Variants in ZNF354A observed in about 807,000 individuals in gnomAD.
The protein encoded by ZNF354A is epididymis luminal protein 104.
A neutral mutation model predicts 53.3 loss-of-function variants in ZNF354A; 25 were observed. That is an observed-to-expected ratio of 0.47 (90% CI 0.34 to 0.66). The LOEUF (loss-of-function observed/expected upper bound fraction) is 0.66, where lower values mean the gene tolerates loss of function less well. Ranked by LOEUF, ZNF354A falls within the 30% of genes least tolerant of loss-of-function variation. ZNF354A has a pLI of 0.01. For synonymous variants in ZNF354A, 228 were observed against 249.0 expected (o/e 0.92, Z 0.79); for missense variants, 586 against 716.8 (o/e 0.82, Z 2.08).
intron 4 of ZNF354A, among the ~76,000 whole-genome samples, chr5:178,714,405 A>G (rs1765679642): frequency 1.3e-5 from 2 of 152,044 alleles, no homozygotes; most frequent in African/African-American, 4.8e-5. Flanking sequence ...CAATCCTTTG[A>G]CTCTGAGCAG....
chr5:178,723,112 G>C (rs897186034), intron 4 of ZNF354A, among the ~76,000 whole-genome samples: 1 of 152,200 alleles, frequency 6.6e-6, no homozygotes, highest in Non-Finnish European at 1.5e-5. Flanking sequence ...GCCAGACCAC[G>C]TAGTGTATTT....
At position 178,713,077 on chromosome 5, in the gene ZNF354A, C is replaced by A. The variant is rs1561615434; in HGVS notation, c.801G>T (p.Glu267Asp). 19 of 1,613,770 alleles carry A rather than the reference C, an allele frequency of 1.2e-5. No individual in the cohort carries two copies. The highest frequency in any genetic ancestry group is 1.5e-5 in the Non-Finnish European group (18 of 1,179,880). Reference sequence around the variant, plus strand: ...CACATTCTTTACATATGTAGGGTTTCTCTCCAGTATGCGTTATTTGATGTT... The same window carrying A: ...CACATTCTTTACATATGTAGGGTTTATCTCCAGTATGCGTTATTTGATGTT... Reference protein sequence around the residue: ...LIQHQITHTGEKPYICKECGK... With the variant: ...LIQHQITHTGDKPYICKECGK... The change falls in exon 5 of 5, where the codon GAG becomes GAT. Residue 267 changes from glutamate (E) to aspartate (D), a missense_variant. By Grantham distance (45) the Glu-to-Asp change is conservative. Transcript: ENST00000335815.
At chr5:178,724,980 C>G (rs1206456386) in intron 4 of ZNF354A, among the ~76,000 whole-genome samples, 7 of 152,178 alleles carry the variant, frequency 4.6e-5, no homozygotes, top group Non-Finnish European at 1.0e-4. Flanking sequence ...TTCCAGTGCT[C>G]CATGGGACAG....
chr5:178,712,883 C>T lies in ZNF354A; in HGVS notation c.995G>A (p.Arg332Lys), dbSNP rs754015453. The change falls in exon 5 of 5, where the codon AGG becomes AAG. Residue 332 changes from arginine (R) to lysine (K), a missense_variant. Coordinates refer to ENST00000335815, the MANE Select transcript of ZNF354A (RefSeq NM_005649.3). ...EENPCKYNPG[R>K]KASSCSTSLS... ...GGATGTGCTGCAACTAGATGCCTTCCTACCCGGATTATACTTACAAGGGTT... is the reference window on the plus strand; with the variant it reads ...GGATGTGCTGCAACTAGATGCCTTCTTACCCGGATTATACTTACAAGGGTT... 1 of 1,614,102 alleles carries T rather than the reference C, an allele frequency of 6.2e-7. No homozygotes were observed. The highest frequency in any genetic ancestry group is 8.5e-7 in the Non-Finnish European group (1 of 1,180,004).
chr5:178,722,622 C>G (rs1473274128), intron 4 of ZNF354A, among the ~76,000 whole-genome samples: 2 of 152,202 alleles, frequency 1.3e-5, no homozygotes, highest in African/African-American at 4.8e-5. Flanking sequence ...CTTTCTGTCT[C>G]CAACACCACT....
At chr5:178,718,136 A>G (rs1237106287) in intron 4 of ZNF354A, among the ~76,000 whole-genome samples, 1 of 152,196 alleles carries the variant, frequency 6.6e-6, no homozygotes, top group African/African-American at 2.4e-5. Flanking sequence ...AAGTGCCAAT[A>G]TTTTAGTCCT....
intron 4 of ZNF354A, among the ~76,000 whole-genome samples, chr5:178,720,952 G>C (rs1020107277): frequency 5.3e-5 from 8 of 152,210 alleles, no homozygotes; most frequent in African/African-American, 1.7e-4. Context: ...ACACAATTAG[G>C]GTTGTTTCAT....
At chr5:178,720,125 T>C (rs1765785579) in intron 4 of ZNF354A, among the ~76,000 whole-genome samples, 1 of 152,200 alleles carries the variant, frequency 6.6e-6, no homozygotes, top group Admixed American at 6.5e-5. Context: ...GTTTTAGAAA[T>C]GTTGTTGTGG....
chr5:178,713,974 A>AT (rs1054905137), intron 4 of ZNF354A, among the ~76,000 whole-genome samples: 33 of 139,684 alleles, frequency 2.4e-4, no homozygotes, highest in South Asian at 1.0e-3. Context: ...TGGAATCCTA[A>AT]TTTTTTTTTG....
rs1581740088 is a variant in ZNF354A, at chr5:178,711,963, A to T, written c.*97T>A. 5.6e-6 allele frequency: 8 copies of T among 1,432,914 alleles called. No individual in the cohort carries two copies. In the East Asian group the frequency reaches 1.6e-4, roughly 29 times the overall value. 88.8% of individuals were successfully genotyped at this position (1,432,914 alleles called of 1,614,324 possible). Reference sequence around the variant, plus strand: ...TACCTAATGAGGGCTAAATTATTACAGTTTTTTTCACATCCATTACATTTA... The same window carrying T: ...TACCTAATGAGGGCTAAATTATTACTGTTTTTTTCACATCCATTACATTTA... On this transcript the variant is annotated 3_prime_UTR_variant, in exon 5 of 5. Transcript: ENST00000335815.
intron 4 of ZNF354A, among the ~76,000 whole-genome samples, chr5:178,719,666 G>C (rs985917778): frequency 1.3e-5 from 2 of 152,094 alleles, no homozygotes; most frequent in African/African-American, 4.8e-5. Flanking sequence ...TGTCACTTGC[G>C]GCCGGGCGCG....
chr5:178,729,994 G>T (rs1482605930), intron 1 of ZNF354A, among the ~76,000 whole-genome samples: 1 of 151,822 alleles, frequency 6.6e-6, no homozygotes, highest in Non-Finnish European at 1.5e-5. Flanking sequence ...CTCACAAGTA[G>T]CTGGGACTAC....
intron 2 of ZNF354A, among the ~76,000 whole-genome samples, chr5:178,727,354 C>T (rs1433288932): frequency 6.6e-6 from 1 of 152,162 alleles, no homozygotes; most frequent in East Asian, 1.9e-4. Flanking sequence ...AGAGGAATTA[C>T]GGCCATTAGT....
At chr5:178,716,528 G>C (rs912158870) in intron 4 of ZNF354A, among the ~76,000 whole-genome samples, 3 of 152,206 alleles carry the variant, frequency 2.0e-5, no homozygotes, top group African/African-American at 7.2e-5. Flanking sequence ...GGGGAATGCA[G>C]ATAATGTATT....
intron 3 of ZNF354A, chr5:178,726,192 G>T (rs529602952): frequency 2.2e-6 from 1 of 455,844 alleles, no homozygotes; most frequent in Non-Finnish European, 4.4e-6. Flanking sequence ...ACGGGTCATG[G>T]GCCAAATTCA....
At chr5:178,730,018 T>C (rs62392851) in intron 1 of ZNF354A, among the ~76,000 whole-genome samples, 36,125 of 151,760 alleles carry the variant, frequency 0.24, 5,085 homozygotes, top group South Asian at 0.34. Flanking sequence ...CGCCCGCCAC[T>C]ACGCCCGGCT....
Position 178,712,642 on chromosome 5 carries a change from G to A in ZNF354A, c.1236C>T (p.Cys412=), listed in dbSNP as rs570704510. 2.5e-6 allele frequency: 4 copies of A among 1,613,914 alleles called. No individual in the cohort carries two copies. The highest frequency in any genetic ancestry group is 3.3e-4 in the Middle Eastern group (2 of 6,062). The change falls in exon 5 of 5, where the codon TGC becomes TGT. Residue 412 remains cysteine, a synonymous_variant. Coordinates refer to ENST00000335815, the MANE Select transcript of ZNF354A (RefSeq NM_005649.3). ...AAGTAAAGCCTTTCCCACATTCATT[G>A]CATCTATAGGGCTTTTCTCCGGTGT... is the stretch of plus-strand genomic sequence containing the variant. ...RIHTGEKPYR[C]NECGKGFTSI...
chr5:178,720,301 C>G lies in ZNF354A; in HGVS notation c.256+5075G>C, dbSNP rs547254134. ...CATTCAAAAGAGAGACGTAGAAGTC[C>G]TAACTTCCAGGACCTCAGAACGTGA... On this transcript the variant is annotated intron_variant, in intron 4 of 4. Transcript: ENST00000335815. Among the ~76,000 whole-genome samples, 4 of 152,324 alleles carry G rather than the reference C, an allele frequency of 2.6e-5. No individual in the cohort carries two copies. The South Asian group carries it at 6.2e-4, about 24-fold the overall frequency.
At chr5:178,718,173 CG>C (rs1354109770) in intron 4 of ZNF354A, among the ~76,000 whole-genome samples, 2 of 152,142 alleles carry the variant, frequency 1.3e-5, no homozygotes, top group Non-Finnish European at 2.9e-5. Flanking sequence ...CAGAAGCAGA[CG>C]TAAGTTTTGG....
Sources: gnomAD v4.1 joint callset for allele counts (sites outside exome capture counted in the v4.1 genomes callset) on GRCh38, gnomAD v4.1.1 for gene constraint, MANE v1.5 for transcripts, NCBI Gene and HGNC (gene_info 2026-07-23, HGNC 2026-07-21) for gene names.